Variants in EXOC6 observed in about 807,000 individuals in gnomAD.
EXOC6 encodes the protein exocyst complex component 6.
In EXOC6, 60 loss-of-function variants were observed where a neutral mutation model predicts 112.5. The observed-to-expected ratio is 0.53, with a 90% CI of 0.43 to 0.66. The LOEUF is 0.66. EXOC6 is among the 30% of genes least tolerant of loss of function. EXOC6 has a pLI of 0.00. For synonymous variants in EXOC6, 295 were observed against 308.0 expected, an observed-to-expected ratio of 0.96 and a Z score of 0.44; for missense variants, 855 against 957.1, an observed-to-expected ratio of 0.89 and a Z score of 1.41.
At chr10:92,856,775 G>A (rs1267980000) in intron 1 of EXOC6, among the ~76,000 whole-genome samples, 1 of 152,074 alleles carries the variant, frequency 6.6e-6, no homozygotes, top group Non-Finnish European at 1.5e-5. Context: ...ATCCATTATT[G>A]AATGATGAGT....
At chr10:93,018,244 A>T (rs1428855758) in intron 20 of EXOC6, among the ~76,000 whole-genome samples, 1 of 152,038 alleles carries the variant, frequency 6.6e-6, no homozygotes, top group African/African-American at 2.4e-5. Context: ...GGAAATATGG[A>T]TATTAGATAT....
At chr10:92,934,920 A>G (rs1175146754) in intron 11 of EXOC6, among the ~76,000 whole-genome samples, 4 of 152,126 alleles carry the variant, frequency 2.6e-5, no homozygotes, top group Non-Finnish European at 2.9e-5. Flanking sequence ...TGAAAATTAA[A>G]TGATCAGCTA....
intron 20 of EXOC6, among the ~76,000 whole-genome samples, chr10:93,034,836 C>T (rs989104901): frequency 9.2e-5 from 14 of 152,222 alleles, no homozygotes; most frequent in Admixed American, 9.2e-4. Flanking sequence ...CCTGCTTAAA[C>T]TTGCCCCTGT....
intron 1 of EXOC6, among the ~76,000 whole-genome samples, chr10:92,869,578 G>A (rs771701866): frequency 1.1e-4 from 16 of 152,108 alleles, no homozygotes; most frequent in Non-Finnish European, 2.1e-4. Flanking sequence ...CTAAAGTATT[G>A]GGATTGTAGA....
chr10:92,899,552 A>G, intron 4 of EXOC6, 47 bp from the exon 5 acceptor site: 1 of 1,313,388 alleles, frequency 7.6e-7, no homozygotes. Context: ...GTCTCAAAAT[A>G]TTTTCTTTTC....
At chr10:92,940,254 A>G (rs576096584) in intron 12 of EXOC6, among the ~76,000 whole-genome samples, 1 of 152,288 alleles carries the variant, frequency 6.6e-6, no homozygotes, top group South Asian at 2.1e-4. Context: ...AAAGAATAAA[A>G]TTCGGAAGTG....
intron 17 of EXOC6, 120 bp from the exon 18 acceptor site, chr10:92,973,933 A>G: frequency 1.2e-6 from 1 of 825,902 alleles, no homozygotes; most frequent in Non-Finnish European, 1.8e-6. Flanking sequence ...GTTTTCCTGG[A>G]CTTTGAATAA....
intron 5 of EXOC6, among the ~76,000 whole-genome samples, chr10:92,903,558 G>C (rs75335909): frequency 2.0e-3 from 304 of 151,982 alleles, no homozygotes; most frequent in African/African-American, 7.1e-3. Flanking sequence ...AGTGTCATAA[G>C]TGCCTTTTTG....
chr10:92,996,628 A>G (rs1028066570), intron 18 of EXOC6, among the ~76,000 whole-genome samples: 8 of 151,546 alleles, frequency 5.3e-5, no homozygotes, highest in Non-Finnish European at 1.2e-4. Flanking sequence ...AAATTAATTT[A>G]CACTAAAAGT....
At chr10:92,858,032 C>CCA (rs894584193) in intron 1 of EXOC6, among the ~76,000 whole-genome samples, 1 of 142,838 alleles carries the variant, frequency 7.0e-6, no homozygotes. Flanking sequence ...TCCCCCCCTC[C>CCA]GCCGGCCAGC....
chr10:92,866,017 G>A (rs1848158086), intron 1 of EXOC6, among the ~76,000 whole-genome samples: 1 of 151,954 alleles, frequency 6.6e-6, no homozygotes, highest in South Asian at 2.1e-4. Flanking sequence ...GCTGTCTCAG[G>A]GGTGGCAAAG....
At chr10:92,849,918 C>T (rs943766211) in intron 1 of EXOC6, among the ~76,000 whole-genome samples, 2 of 152,182 alleles carry the variant, frequency 1.3e-5, no homozygotes, top group Non-Finnish European at 2.9e-5. Flanking sequence ...TCCCTAACAC[C>T]AAGCATGTGG....
intron 18 of EXOC6, among the ~76,000 whole-genome samples, chr10:92,990,837 A>G (rs1468706207): frequency 6.6e-6 from 1 of 151,998 alleles, no homozygotes; most frequent in African/African-American, 2.4e-5. Flanking sequence ...TTTTTCCCCC[A>G]TCATAACCCG....
intron 13 of EXOC6, among the ~76,000 whole-genome samples, chr10:92,947,875 G>A (rs1279455492): frequency 6.6e-6 from 1 of 152,178 alleles, no homozygotes; most frequent in Non-Finnish European, 1.5e-5. Flanking sequence ...CTGCACTCCA[G>A]CCTGGGTGAC....
upstream of EXOC6, among the ~76,000 whole-genome samples, chr10:92,845,666 C>T (rs1428078689): frequency 1.3e-5 from 2 of 151,500 alleles, no homozygotes; most frequent in Non-Finnish European, 2.9e-5. Flanking sequence ...GGGCCGGGGA[C>T]GGTGGCTCAC....
chr10:93,021,822 T>G (rs1182892678), intron 20 of EXOC6, among the ~76,000 whole-genome samples: 1 of 152,212 alleles, frequency 6.6e-6, no homozygotes, highest in Admixed American at 6.5e-5. Context: ...AATAATCTGT[T>G]TATAGAAAGT....
In EXOC6 at chr10:92,861,167, A is replaced by C. The variant is rs775562262; in HGVS notation, c.101+12533A>C. ...GCTTCTCCACACTCTGTTCTACATAAGGTCAGTGTCTTTGGGGAATTCTTT... is the reference window on the plus strand; with the variant it reads ...GCTTCTCCACACTCTGTTCTACATACGGTCAGTGTCTTTGGGGAATTCTTT... On this transcript the variant is annotated intron_variant, in intron 1 of 21. Transcript: ENST00000260762. Among the ~76,000 whole-genome samples, 10 of 152,326 alleles carry C rather than the reference A, an allele frequency of 6.6e-5. No individual in the cohort carries two copies. In the South Asian group the frequency reaches 2.1e-3, roughly 32 times the overall value.
chr10:93,058,455 AAATAC>A lies in EXOC6; in HGVS notation c.*105_*109del. 1.0e-6 allele frequency: 1 copy of A among 1,001,950 alleles called. No homozygotes were observed. The highest frequency in any genetic ancestry group is 1.4e-6 in the Non-Finnish European group (1 of 719,628). 62.1% of individuals were successfully genotyped at this position (1,001,950 alleles called of 1,614,324 possible). The stretch of plus-strand genomic sequence containing the variant: ...ACAGTAATTTGTTTACAGAATCCAA[AAATAC>A]AATAGAGAAGATACATGAGGGCTTA... On this transcript the variant is annotated 3_prime_UTR_variant, in exon 22 of 22. Transcript: ENST00000260762.
intron 17 of EXOC6, among the ~76,000 whole-genome samples, chr10:92,964,288 A>T (rs1854183704): frequency 6.6e-6 from 1 of 151,922 alleles, no homozygotes; most frequent in South Asian, 2.1e-4. Flanking sequence ...ATTTTATTAT[A>T]CCTTTTCCTT....
Sources: gnomAD v4.1 joint callset for allele counts (sites outside exome capture counted in the v4.1 genomes callset) on GRCh38, gnomAD v4.1.1 for gene constraint, MANE v1.5 for transcripts, NCBI Gene and HGNC (gene_info 2026-07-23, HGNC 2026-07-21) for gene names.